CELF4: variants seen among roughly 807,000 people sequenced by gnomAD.
CELF4 encodes CUG-BP- and ETR-3-like factor 4.
In CELF4, 18 loss-of-function variants were observed where a neutral mutation model predicts 59.9. That is an observed-to-expected ratio of 0.30 (90% CI 0.21 to 0.45). The LOEUF is 0.45. CELF4 is among the 20% of genes least tolerant of loss of function. CELF4 has a pLI of 1.00. For synonymous variants in CELF4, 261 were observed against 267.1 expected, an observed-to-expected ratio of 0.98 and a Z score of 0.22; for missense variants, 456 against 689.0, an observed-to-expected ratio of 0.66 and a Z score of 3.79.
At chr18:37,509,027 T>C (rs1439415497) in intron 1 of CELF4, among the ~76,000 whole-genome samples, 1 of 152,142 alleles carries the variant, frequency 6.6e-6, no homozygotes, top group African/African-American at 2.4e-5. Context: ...CAAAGCCCCA[T>C]CTCGATTGTT....
Position 37,272,558 on chromosome 18 carries a change from G to A in CELF4, c.949+458C>T, listed in dbSNP as rs369285718. ...AGAAAAAGCCAGTGAGTCTAGATTG[G>A]GTTAAAGGGAAATGAAAAAAAAAAA... On this transcript the variant is annotated intron_variant, in intron 7 of 12. Transcript: ENST00000420428. 3.6e-5 allele frequency among the ~76,000 whole-genome samples: 5 copies of A among 140,280 alleles called. No homozygotes were observed. The East Asian group carries it at 8.3e-4, about 23-fold the overall frequency. The allele number at this position is 140,280 out of a possible 152,430, so 92.0% of individuals were successfully genotyped here. A position where few individuals can be genotyped will look rare whatever the true frequency, so the allele number is the denominator to read the frequency against.
At chr18:37,501,785 G>A (rs1015631003) in intron 1 of CELF4, among the ~76,000 whole-genome samples, 2 of 152,224 alleles carry the variant, frequency 1.3e-5, no homozygotes, top group Admixed American at 1.3e-4. Context: ...GGGACTCGGA[G>A]GAGCAGTGGG....
intron 2 of CELF4, among the ~76,000 whole-genome samples, chr18:37,423,405 G>T (rs1281691146): frequency 6.6e-6 from 1 of 152,172 alleles, no homozygotes; most frequent in Non-Finnish European, 1.5e-5. Flanking sequence ...GCCAGAGTGG[G>T]ATGGGAAGAC....
chr18:37,405,080 A>C (rs1007588785), intron 2 of CELF4, among the ~76,000 whole-genome samples: 1 of 152,092 alleles, frequency 6.6e-6, no homozygotes, highest in African/African-American at 2.4e-5. Flanking sequence ...TTGGGCCTGA[A>C]AGCAGGCCCC....
intron 3 of CELF4, among the ~76,000 whole-genome samples, chr18:37,289,387 T>C (rs1569534904): frequency 6.6e-6 from 1 of 152,130 alleles, no homozygotes; most frequent in Non-Finnish European, 1.5e-5. Context: ...TGCTCCAGAA[T>C]TGTATTTTGA....
intron 3 of CELF4, among the ~76,000 whole-genome samples, chr18:37,278,118 T>G (rs1379555162): frequency 6.6e-6 from 1 of 152,152 alleles, no homozygotes; most frequent in East Asian, 1.9e-4. Context: ...TAATTCCTCG[T>G]TCCCCTCCCC....
chr18:37,528,742 A>C (rs1169379271), intron 1 of CELF4, among the ~76,000 whole-genome samples: 1 of 151,876 alleles, frequency 6.6e-6, no homozygotes, highest in Non-Finnish European at 1.5e-5. Flanking sequence ...TTCACTGTAT[A>C]CCCCTTTGCA....
chr18:37,468,094 C>T (rs1325845847), intron 2 of CELF4, among the ~76,000 whole-genome samples: 1 of 152,146 alleles, frequency 6.6e-6, no homozygotes, highest in Non-Finnish European at 1.5e-5. Flanking sequence ...ACAATTTTAT[C>T]CAGGATCGTT....
intron 2 of CELF4, among the ~76,000 whole-genome samples, chr18:37,475,407 C>T (rs976908133): frequency 2.0e-5 from 3 of 152,122 alleles, no homozygotes; most frequent in Non-Finnish European, 4.4e-5. Flanking sequence ...TCTAACAGAC[C>T]CCAGTGATGC....
chr18:37,300,815 C>G (rs1351189977), intron 3 of CELF4, among the ~76,000 whole-genome samples: 1 of 152,188 alleles, frequency 6.6e-6, no homozygotes, highest in Non-Finnish European at 1.5e-5. Flanking sequence ...TAGAGGGACA[C>G]AGAAGCTGAG....
intron 2 of CELF4, among the ~76,000 whole-genome samples, chr18:37,423,101 G>GAGAGAGAC (rs1557422806): frequency 2.6e-5 from 4 of 151,388 alleles, no homozygotes; most frequent in African/African-American, 7.3e-5. Context: ...GAGAGAGAGA[G>GAGAGAGAC]AGACAGACAG....
chr18:37,335,181 G>A (rs1391221718), intron 2 of CELF4, among the ~76,000 whole-genome samples: 1 of 151,994 alleles, frequency 6.6e-6, no homozygotes, highest in African/African-American at 2.4e-5. Flanking sequence ...GCCGCGCACC[G>A]CCATCAATTA....
At chr18:37,338,391 AC>A (rs1439283009) in intron 2 of CELF4, among the ~76,000 whole-genome samples, 1 of 149,180 alleles carries the variant, frequency 6.7e-6, no homozygotes, top group African/African-American at 2.6e-5. Flanking sequence ...TGTCACTGAC[AC>A]CATTGTCACC....
chr18:37,385,287 G>A (rs773088311), intron 2 of CELF4, among the ~76,000 whole-genome samples: 79 of 148,994 alleles, frequency 5.3e-4, no homozygotes, highest in Middle Eastern at 7.0e-3. Flanking sequence ...CTCGGGAGGC[G>A]GAGGTTGCAG....
intron 2 of CELF4, among the ~76,000 whole-genome samples, chr18:37,445,227 G>C (rs1280655396): frequency 6.6e-6 from 1 of 152,154 alleles, no homozygotes; most frequent in African/African-American, 2.4e-5. Context: ...AGAGACCCTG[G>C]GCTGCAGAAG....
chr18:37,366,390 A>G (rs1413953882), intron 2 of CELF4, among the ~76,000 whole-genome samples: 1 of 152,092 alleles, frequency 6.6e-6, no homozygotes, highest in African/African-American at 2.4e-5. Flanking sequence ...TCCACTTGCC[A>G]ACTCCGAACC....
intron 2 of CELF4, among the ~76,000 whole-genome samples, chr18:37,448,020 A>G (rs1478036114): frequency 6.6e-6 from 1 of 152,230 alleles, no homozygotes; most frequent in African/African-American, 2.4e-5. Flanking sequence ...CCACATTGGT[A>G]TAAGCCTAGG....
chr18:37,290,428 T>C (rs897640453), intron 3 of CELF4, among the ~76,000 whole-genome samples: 9 of 152,206 alleles, frequency 5.9e-5, no homozygotes, highest in Non-Finnish European at 1.3e-4. Flanking sequence ...TCTCAAACAA[T>C]GGATACTCAA....
chr18:37,294,149 A>T (rs1021106327), intron 3 of CELF4, among the ~76,000 whole-genome samples: 2 of 151,680 alleles, frequency 1.3e-5, no homozygotes, highest in Admixed American at 1.3e-4. Flanking sequence ...AGGCTGGGGG[A>T]CTCCCACGGT....
Sources: allele counts gnomAD v4.1 joint callset (sites outside exome capture counted in the v4.1 genomes callset), GRCh38; gene constraint gnomAD v4.1.1; transcripts MANE v1.5; gene names NCBI Gene and HGNC (gene_info 2026-07-23, HGNC 2026-07-21).